Variants in MEIS1 observed in about 807,000 individuals in gnomAD.
The protein encoded by MEIS1 is homeobox protein Meis1.
A neutral mutation model predicts 50.8 loss-of-function variants in MEIS1; 5 were observed. That is an observed-to-expected ratio of 0.10 (90% CI 0.05 to 0.21). The LOEUF (loss-of-function observed/expected upper bound fraction) is 0.21. MEIS1 is among the 10% of genes least tolerant of loss of function. MEIS1 has a pLI of 1.00. For missense variants in MEIS1, 318 were observed against 517.3 expected, an observed-to-expected ratio of 0.61 and a Z score of 3.74; for synonymous variants, 176 against 179.3, an observed-to-expected ratio of 0.98 and a Z score of 0.15.
chr2:66,465,355 G>GAAT (rs1333904021), intron 7 of MEIS1, among the ~76,000 whole-genome samples: 1 of 152,184 alleles, frequency 6.6e-6, no homozygotes, highest in East Asian at 1.9e-4. Flanking sequence ...ACGGAGCCCA[G>GAAT]AATAGTAAAC....
chr2:66,528,261 G>C (rs1476827854), intron 8 of MEIS1, among the ~76,000 whole-genome samples: 1 of 152,104 alleles, frequency 6.6e-6, no homozygotes, highest in Admixed American at 6.6e-5. Flanking sequence ...GCTGTCTGGA[G>C]GAAAAACCTA....
intron 8 of MEIS1, among the ~76,000 whole-genome samples, chr2:66,517,158 TA>T (rs1391376037): frequency 6.6e-6 from 1 of 152,284 alleles, no homozygotes; most frequent in African/African-American, 2.4e-5. Flanking sequence ...CTGAAAGATC[TA>T]GGGGGAGTCC....
At chr2:66,567,767 G>T (rs1675386706) in intron 10 of MEIS1, 1 of 614,306 alleles carries the variant, frequency 1.6e-6, no homozygotes, top group Non-Finnish European at 2.9e-6. Flanking sequence ...AATATTCTTT[G>T]TACACATTCA....
chr2:66,442,757 G>A, intron 5 of MEIS1, 145 bp from the exon 6 acceptor site: 3 of 666,890 alleles, frequency 4.5e-6, no homozygotes, highest in Non-Finnish European at 7.4e-6. Flanking sequence ...AATTCTGGAT[G>A]CGTCTGGGGG....
intron 7 of MEIS1, among the ~76,000 whole-genome samples, chr2:66,509,805 G>A (rs536124456): frequency 3.9e-5 from 6 of 152,294 alleles, no homozygotes; most frequent in African/African-American, 1.2e-4. Flanking sequence ...GGGAAGCTAA[G>A]GTTGCTTTAA....
intron 6 of MEIS1, among the ~76,000 whole-genome samples, chr2:66,450,928 T>C (rs1558523478): frequency 1.3e-5 from 2 of 152,192 alleles, no homozygotes; most frequent in Non-Finnish European, 2.9e-5. Context: ...CACTTTTTTT[T>C]CTGCCCTTTG....
At chr2:66,482,339 GTC>G (rs1414312069) in intron 7 of MEIS1, among the ~76,000 whole-genome samples, 1 of 152,132 alleles carries the variant, frequency 6.6e-6, no homozygotes. Context: ...AGAGATTGGT[GTC>G]TCTATTTCAT....
intron 7 of MEIS1, among the ~76,000 whole-genome samples, chr2:66,483,275 A>C (rs1673062532): frequency 7.4e-6 from 1 of 135,882 alleles, no homozygotes; most frequent in East Asian, 2.2e-4. Context: ...GTCTCGCTAT[A>C]TTGCCCAGGC....
intron 6 of MEIS1, among the ~76,000 whole-genome samples, chr2:66,463,878 A>G (rs890472858): frequency 2.0e-5 from 3 of 152,202 alleles, no homozygotes; most frequent in Admixed American, 2.0e-4. Flanking sequence ...AAAGCATGCA[A>G]TTACTTACAG....
At position 66,571,472 on chromosome 2, in the gene MEIS1, T is replaced by A; in HGVS notation, c.*264T>A. 1 of 1,596,966 alleles carries A rather than the reference T, an allele frequency of 6.3e-7. No homozygotes were observed. Among genetic ancestry groups the A allele is most frequent in the Non-Finnish European group, 8.5e-7 (1 of 1,171,992 alleles). On this transcript the variant is annotated 3_prime_UTR_variant, in exon 13 of 13. Transcript: ENST00000272369. ...CAATGTCAGCATCAAGCCCCACAGTTCTTAATACAGGAGACCCAACAATGA... is the reference window on the plus strand; with the variant it reads ...CAATGTCAGCATCAAGCCCCACAGTACTTAATACAGGAGACCCAACAATGA...
At chr2:66,470,020 C>G (rs921914156) in intron 7 of MEIS1, among the ~76,000 whole-genome samples, 1 of 151,826 alleles carries the variant, frequency 6.6e-6, no homozygotes, top group Non-Finnish European at 1.5e-5. Context: ...TGGTTACAAA[C>G]GGTAATTTTT....
At chr2:66,554,490 A>C (rs1675003460) in intron 9 of MEIS1, among the ~76,000 whole-genome samples, 1 of 152,174 alleles carries the variant, frequency 6.6e-6, no homozygotes, top group Admixed American at 6.5e-5. Flanking sequence ...TAGGTGGCTA[A>C]GGTGTAAGCC....
intron 8 of MEIS1, among the ~76,000 whole-genome samples, chr2:66,517,577 G>A (rs927070236): frequency 1.3e-5 from 2 of 152,122 alleles, no homozygotes; most frequent in Non-Finnish European, 2.9e-5. Flanking sequence ...CCCAGGCTTG[G>A]ATGACAAAAT....
At chr2:66,525,631 C>T (rs547122541) in intron 8 of MEIS1, among the ~76,000 whole-genome samples, 18 of 152,314 alleles carry the variant, frequency 1.2e-4, no homozygotes, top group South Asian at 1.0e-3. Context: ...TTCATTGGAT[C>T]CCTCAAGTAC....
chr2:66,454,256 G>A (rs967820838), intron 6 of MEIS1, among the ~76,000 whole-genome samples: 1 of 152,040 alleles, frequency 6.6e-6, no homozygotes, highest in Admixed American at 6.6e-5. Flanking sequence ...GGTTTATGGA[G>A]GAAGGATTGG....
At position 66,439,952 on chromosome 2, in the gene MEIS1, T is replaced by C; in HGVS notation, c.349T>C (p.Phe117Leu). ...AGGDVCSSESFNEDIAVFAKQ... is the reference protein window; with the variant it reads ...AGGDVCSSESLNEDIAVFAKQ... Reference sequence around the variant, plus strand: ...CGGGGACGTCTGCTCGTCAGAGTCATTCAATGAAGATATAGCCGTGTTCGC... The same window carrying C: ...CGGGGACGTCTGCTCGTCAGAGTCACTCAATGAAGATATAGCCGTGTTCGC... Residue 117 changes from phenylalanine to leucine, a missense_variant, in exon 3 of 13, where the codon TTC (phenylalanine) becomes CTC (leucine). Around this residue, in one of 6 missense-constraint regions of MEIS1, gnomAD observed 75 missense variants for 153.7 expected, o/e 0.49. Transcript: ENST00000272369. 1 of 1,612,972 alleles carries C rather than the reference T, an allele frequency of 6.2e-7. No individual in the cohort carries two copies. The highest frequency in any genetic ancestry group is 2.2e-5 in the East Asian group (1 of 44,816).
At chr2:66,539,940 G>T (rs1450421836) in intron 8 of MEIS1, among the ~76,000 whole-genome samples, 2 of 152,070 alleles carry the variant, frequency 1.3e-5, no homozygotes, top group African/African-American at 4.8e-5. Context: ...TAATAACATG[G>T]TTCATACTCC....
intron 1 of MEIS1, 109 bp from the exon 2 acceptor site, chr2:66,437,628 G>A (rs1394170871): frequency 6.6e-6 from 6 of 906,922 alleles, no homozygotes; most frequent in African/African-American, 6.6e-5. Context: ...ACCGAATTCC[G>A]GGTGGAAGGA....
chr2:66,557,010 A>T (rs1675084119), intron 9 of MEIS1, among the ~76,000 whole-genome samples: 1 of 152,142 alleles, frequency 6.6e-6, no homozygotes. Flanking sequence ...GCATATCGAG[A>T]ATTAAATTTT....
Sources: gnomAD v4.1 joint callset for allele counts (sites outside exome capture counted in the v4.1 genomes callset) on GRCh38, gnomAD v4.1.1 for gene constraint, gnomAD v4.1.1 regional missense constraint, MANE v1.5 for transcripts, NCBI Gene and HGNC (gene_info 2026-07-23, HGNC 2026-07-21) for gene names.